Variants in SLC15A4 observed in about 807,000 individuals in gnomAD.
SLC15A4 encodes the protein hPHT1.
Under a neutral mutation model 46.1 loss-of-function variants are expected in SLC15A4, and 26 were observed. That is an observed-to-expected ratio of 0.56 (90% confidence interval 0.41 to 0.78). The LOEUF (loss-of-function observed/expected upper bound fraction) is 0.78. SLC15A4 is among the 30% of genes least tolerant of loss of function. SLC15A4 has a pLI of 0.00. For missense variants in SLC15A4, 751 were observed against 755.7 expected, an observed-to-expected ratio of 0.99 and a Z score of 0.07; for synonymous variants, 370 against 333.4, an observed-to-expected ratio of 1.11 and a Z score of -1.20.
intron 6 of SLC15A4, among the ~76,000 whole-genome samples, chr12:128,800,610 G>C (rs1276632907): frequency 3.9e-5 from 6 of 152,190 alleles, no homozygotes; most frequent in Non-Finnish European, 5.9e-5. Flanking sequence ...CTGTCCTGTG[G>C]CACTTACAAG....
chr12:128,798,928 T>A (rs1230277071), intron 7 of SLC15A4, among the ~76,000 whole-genome samples: 1 of 152,210 alleles, frequency 6.6e-6, no homozygotes, highest in East Asian at 1.9e-4. Context: ...TCACGAAGAC[T>A]GAGCTGGACG....
intron 1 of SLC15A4, 40 bp downstream of exon 1, chr12:128,823,358 C>T (rs990168632): frequency 1.5e-6 from 2 of 1,360,926 alleles, no homozygotes; most frequent in Non-Finnish European, 1.9e-6. Flanking sequence ...TGGGCAGGGG[C>T]TGGACAGGGA....
intron 6 of SLC15A4, 84 bp from the exon 7 acceptor site, chr12:128,799,501 G>A (rs1955489827): frequency 1.4e-5 from 20 of 1,454,648 alleles, no homozygotes; most frequent in Non-Finnish European, 1.8e-5. Flanking sequence ...TATAGCAGAG[G>A]AAGCGTGGGG....
At chr12:128,804,258 A>T (rs1212537212) in intron 5 of SLC15A4, among the ~76,000 whole-genome samples, 1 of 152,242 alleles carries the variant, frequency 6.6e-6, no homozygotes, top group East Asian at 1.9e-4. Context: ...AAAACTTAAA[A>T]ATTCTCTGAA....
rs1955795575 is a variant in SLC15A4, at chr12:128,818,913, G to A, written c.547-3843C>T. Among the ~76,000 whole-genome samples the A allele has an allele frequency of 2.0e-5, 3 of 152,228 alleles. No homozygotes were observed. The South Asian group carries it at 6.2e-4, about 32-fold the overall frequency. ...CTTCATGCAGCCGAATGTTTTCAAGGCTCATCAGTACTTCATTTCTTTTTT... is the reference window on the plus strand; with the variant it reads ...CTTCATGCAGCCGAATGTTTTCAAGACTCATCAGTACTTCATTTCTTTTTT... On this transcript the variant is annotated intron_variant, in intron 1 of 7. Transcript: ENST00000266771.
intron 2 of SLC15A4, chr12:128,814,234 C>CGTATGATGGACCTGACCGCT (rs71072405): frequency 0.18 from 29,738 of 166,782 alleles, 5,301 homozygotes; most frequent in African/African-American, 0.3. Flanking sequence ...ACCTGACCGC[C>CGTATGATGGACCTGACCGCT]GTATGATGGA....
At chr12:128,819,072 C>T (rs1429397391) in intron 1 of SLC15A4, among the ~76,000 whole-genome samples, 1 of 152,168 alleles carries the variant, frequency 6.6e-6, no homozygotes, top group Admixed American at 6.5e-5. Context: ...GCACACCTCT[C>T]TACCCTTCAC....
rs763758652 is a variant in SLC15A4 at position 128,808,990 on chromosome 12, C to A, written c.1090-34G>T. The A allele has an allele frequency of 3.8e-6, 6 of 1,592,254 alleles. No homozygotes were observed. In the African/African-American group the frequency reaches 6.7e-5, roughly 18 times the overall value. On this transcript the variant is annotated intron_variant, in intron 4 of 7. Transcript: ENST00000266771. Reference sequence around the variant, plus strand: ...AAACACAGGAGGAGGCGTTTACTCCCCGCAATACAGGCCATCACCTGTCTA... The same window carrying A: ...AAACACAGGAGGAGGCGTTTACTCCACGCAATACAGGCCATCACCTGTCTA...
At chr12:128,802,432 A>T (rs559208299) in intron 5 of SLC15A4, among the ~76,000 whole-genome samples, 96 of 152,226 alleles carry the variant, frequency 6.3e-4, no homozygotes, top group Non-Finnish European at 6.3e-4. Flanking sequence ...ACCATAGCTG[A>T]CTACACTGGT....
At chr12:128,807,034 C>T (rs370068285) in intron 5 of SLC15A4, among the ~76,000 whole-genome samples, 3 of 151,534 alleles carry the variant, frequency 2.0e-5, no homozygotes, top group East Asian at 2.0e-4. Context: ...TCCCGAGTAG[C>T]TGGGACTACA....
In SLC15A4 at chr12:128,801,158, T is replaced by C. The variant is rs142332272; in HGVS notation, c.1259-149A>G. The C allele has an allele frequency of 2.5e-3, 1,713 of 693,486 alleles. 18 individuals are homozygous for C. In the African/African-American group the frequency reaches 0.026, roughly 10 times the overall value. The allele number at this position is 693,486 out of a possible 1,614,324, so 43.0% of individuals were successfully genotyped here. On this transcript the variant is annotated intron_variant, in intron 5 of 7. Transcript: ENST00000266771. Reference sequence around the variant, plus strand: ...TAATCACAGCTTCCCCCAGGACTAATAGGCCCCCAGCCTTCAGCCTCCTAA... The same window carrying C: ...TAATCACAGCTTCCCCCAGGACTAACAGGCCCCCAGCCTTCAGCCTCCTAA...
chr12:128,805,273 T>G (rs1266713860), intron 5 of SLC15A4, among the ~76,000 whole-genome samples: 1 of 152,034 alleles, frequency 6.6e-6, no homozygotes, highest in Admixed American at 6.5e-5. Context: ...CCCATTAAAA[T>G]CAAGGATGAG....
At chr12:128,814,232 G>GCCGTATGATGGACCTGACCA (rs1566055161) in intron 2 of SLC15A4, 4 of 107,570 alleles carry the variant, frequency 3.7e-5, no homozygotes, top group Non-Finnish European at 6.2e-5. Flanking sequence ...GGACCTGACC[G>GCCGTATGATGGACCTGACCA]CCGTATGATG....
intron 2 of SLC15A4, among the ~76,000 whole-genome samples, chr12:128,811,088 C>T (rs756516713): frequency 1.1e-4 from 16 of 152,202 alleles, no homozygotes; most frequent in South Asian, 2.1e-4. Flanking sequence ...AATGAACAGG[C>T]CCCACTAGAC....
At chr12:128,797,635 T>C (rs35907548) in intron 7 of SLC15A4, among the ~76,000 whole-genome samples, 79,799 of 152,072 alleles carry the variant, frequency 0.52, 21,877 homozygotes, top group Non-Finnish European at 0.62. Flanking sequence ...AGAAAGCTAT[T>C]TCCTGTGTCG....
chr12:128,806,902 C>CT (rs34407311), intron 5 of SLC15A4, among the ~76,000 whole-genome samples: 11,824 of 108,214 alleles, frequency 0.11, 1,676 homozygotes, highest in East Asian at 0.36. Flanking sequence ...TTTGCTAGCG[C>CT]TTTTTTTTTT....
chr12:128,800,348 T>C (rs1053598683), intron 6 of SLC15A4, among the ~76,000 whole-genome samples: 5 of 152,180 alleles, frequency 3.3e-5, no homozygotes, highest in African/African-American at 1.2e-4. Flanking sequence ...CCTCTGCATA[T>C]CACTCATCTT....
Position 128,823,410 on chromosome 12 carries a change from G to T in SLC15A4, c.534C>A (p.Phe178Leu). 2 of 1,442,982 alleles carry T rather than the reference G, an allele frequency of 1.4e-6. No homozygotes were observed. The highest frequency in any genetic ancestry group is 1.8e-6 in the Non-Finnish European group (2 of 1,104,842). 89.4% of individuals were successfully genotyped at this position (1,442,982 alleles called of 1,614,324 possible). ...VATVKANITP[F>L]GADQVKDRGP... ...GGGCGCGGCTCACCTGGTCGGCGCC[G>T]AAGGGCGTGATGTTGGCCTTGACGG... The change falls in exon 1 of 8, where the codon TTC (phenylalanine) becomes TTA (leucine). Residue 178 changes from phenylalanine (F) to leucine (L), a missense_variant. Physicochemically the swap from Phe to Leu is conservative, Grantham distance 22 (BLOSUM62 0). Coordinates refer to ENST00000266771, the MANE Select transcript of SLC15A4 (RefSeq NM_145648.4).
At chr12:128,818,974 A>G (rs1955796598) in intron 1 of SLC15A4, among the ~76,000 whole-genome samples, 1 of 152,196 alleles carries the variant, frequency 6.6e-6, no homozygotes, top group South Asian at 2.1e-4. Flanking sequence ...TGGATATACT[A>G]TATTTAGTTT....
Sources: gnomAD v4.1 joint callset for allele counts (sites outside exome capture counted in the v4.1 genomes callset) on GRCh38, gnomAD v4.1.1 for gene constraint, MANE v1.5 for transcripts, NCBI Gene and HGNC (gene_info 2026-07-23, HGNC 2026-07-21) for gene names.